The following SAMMSON variants were observed in gnomAD, a reference collection of about 807,000 sequenced individuals.
The protein encoded by SAMMSON is long intergenic non-protein coding RNA 1212.
intron 7 of SAMMSON, among the ~76,000 whole-genome samples, chr3:70,337,951 C>A (rs1227458552): frequency 6.6e-6 from 1 of 151,554 alleles, no homozygotes; most frequent in Non-Finnish European, 1.5e-5. Flanking sequence ...ATTTACAGAT[C>A]CCCAAATTCT....
chr3:70,263,177 A>G (rs1355129722), intron 6 of SAMMSON, among the ~76,000 whole-genome samples: 1 of 152,136 alleles, frequency 6.6e-6, no homozygotes, highest in Non-Finnish European at 1.5e-5. Context: ...GTTTTTAACC[A>G]ACTGATTTTT....
At chr3:70,344,973 G>A in intron 7 of SAMMSON, among the ~76,000 whole-genome samples, 1 of 152,068 alleles carries the variant, frequency 6.6e-6, no homozygotes. Flanking sequence ...TTATTACTTG[G>A]ATGTCATCGG....
intron 4 of SAMMSON, among the ~76,000 whole-genome samples, chr3:70,208,008 G>A (rs924499902): frequency 3.3e-5 from 5 of 151,996 alleles, no homozygotes; most frequent in Non-Finnish European, 5.9e-5. Context: ...CAAACAAATC[G>A]TCAAAGAAAT....
chr3:70,061,781 C>T (rs945469161), intron 3 of SAMMSON, among the ~76,000 whole-genome samples: 2 of 152,278 alleles, frequency 1.3e-5, no homozygotes, highest in Middle Eastern at 3.4e-3. Context: ...CTTATGCCTT[C>T]AGCATCTCTG....
At chr3:70,072,646 G>GAAAAAAAAAAAAAAAAA (rs35807309) in intron 4 of SAMMSON, 15 of 87,674 alleles carry the variant, frequency 1.7e-4, no homozygotes, top group Non-Finnish European at 2.3e-4. Flanking sequence ...AACAGCAAAG[G>GAAAAAAAAAAAAAAAAA]AAAAAAAAAA....
At chr3:70,002,056 G>T (rs2066908058) in intron 1 of SAMMSON, among the ~76,000 whole-genome samples, 1 of 152,118 alleles carries the variant, frequency 6.6e-6, no homozygotes, top group Non-Finnish European at 1.5e-5. Flanking sequence ...CTCGGTCATT[G>T]CCTGCATGAG....
At chr3:70,087,384 A>G (rs990967980) in intron 4 of SAMMSON, among the ~76,000 whole-genome samples, 8 of 152,288 alleles carry the variant, frequency 5.3e-5, no homozygotes, top group Non-Finnish European at 7.4e-5. Flanking sequence ...AGTGCCATGC[A>G]CTTTAGGTAC....
intron 2 of SAMMSON, among the ~76,000 whole-genome samples, chr3:70,408,039 C>G (rs1020987018): frequency 3.9e-5 from 6 of 152,230 alleles, no homozygotes; most frequent in Admixed American, 2.6e-4. Context: ...ACGCTTGAGG[C>G]TTGCACCCTC....
At position 70,019,582 on chromosome 3, in the gene SAMMSON, A is replaced by T. The variant is rs562997966; in HGVS notation, n.417+5910A>T. Among the ~76,000 whole-genome samples the T allele has an allele frequency of 2.2e-3, 333 of 152,232 alleles. 1 individual carries two copies. The highest frequency in any genetic ancestry group is 3.1e-3 in the Non-Finnish European group (209 of 68,036). On this transcript the variant is annotated intron_variant and non_coding_transcript_variant, in intron 3 of 9. Coordinates refer to ENST00000642114, the Ensembl canonical transcript of SAMMSON. Reference sequence around the variant, plus strand: ...TAATTGGAGCATTTAGCCCATTTACAGTTACGGTTAATATTGTTATGTGTG... The same window carrying T: ...TAATTGGAGCATTTAGCCCATTTACTGTTACGGTTAATATTGTTATGTGTG...
chr3:70,396,668 C>T (rs1701096175), intron 2 of SAMMSON, among the ~76,000 whole-genome samples: 1 of 152,172 alleles, frequency 6.6e-6, no homozygotes, highest in African/African-American at 2.4e-5. Flanking sequence ...GGAAATCTGT[C>T]TTGGAAATGT....
intron 7 of SAMMSON, chr3:70,311,951 T>A: frequency 2.5e-6 from 1 of 397,826 alleles, no homozygotes; most frequent in East Asian, 3.6e-5. Flanking sequence ...TACTTTTATC[T>A]TTTCCAGCTC....
At chr3:70,032,511 A>G (rs1372168205) in intron 3 of SAMMSON, among the ~76,000 whole-genome samples, 1 of 152,222 alleles carries the variant, frequency 6.6e-6, no homozygotes, top group African/African-American at 2.4e-5. Context: ...GGAAGAAAAC[A>G]ACTTTACTGT....
In SAMMSON at chr3:70,195,310, T is replaced by G. The variant is rs138239297; in HGVS notation, n.508-53797T>G. ...AGCAGAAAGACTTTTTCATGGAAGG[T>G]GTGGGGCACTTTCATGCTCCGTGGT... is the stretch of plus-strand genomic sequence containing the variant. On this transcript the variant is annotated intron_variant and non_coding_transcript_variant, in intron 4 of 9. Coordinates refer to ENST00000642114, the Ensembl canonical transcript of SAMMSON. 8.2e-3 allele frequency among the ~76,000 whole-genome samples: 1,246 copies of G among 152,272 alleles called. 15 individuals carry two copies. Among genetic ancestry groups the G allele is most frequent in the African/African-American group, 0.028 (1,183 of 41,550 alleles).
At chr3:70,133,993 C>T (rs946089643) in intron 4 of SAMMSON, among the ~76,000 whole-genome samples, 3 of 150,768 alleles carry the variant, frequency 2.0e-5, no homozygotes, top group African/African-American at 7.3e-5. Flanking sequence ...CCTGTAATCC[C>T]AGCACTTTGG....
At chr3:70,046,392 A>C (rs1299443769) in intron 3 of SAMMSON, among the ~76,000 whole-genome samples, 2 of 152,110 alleles carry the variant, frequency 1.3e-5, no homozygotes, top group Admixed American at 1.3e-4. Context: ...AAATCATTTT[A>C]ATCCATGAAT....
intron 3 of SAMMSON, chr3:70,030,667 C>G (rs2067061286): frequency 6.6e-6 from 1 of 152,052 alleles, no homozygotes; most frequent in East Asian, 1.9e-4. Flanking sequence ...ATGTGTTTGT[C>G]TAACACCAAA....
At chr3:70,343,659 A>G (rs1215495162) in intron 7 of SAMMSON, among the ~76,000 whole-genome samples, 3 of 152,168 alleles carry the variant, frequency 2.0e-5, no homozygotes, top group Non-Finnish European at 4.4e-5. Context: ...TCAAGTTTCC[A>G]TTGTAAAATT....
chr3:70,313,289 G>T (rs1188776897), intron 7 of SAMMSON, among the ~76,000 whole-genome samples: 3 of 152,160 alleles, frequency 2.0e-5, no homozygotes, highest in Non-Finnish European at 2.9e-5. Flanking sequence ...GCAACATAGT[G>T]AGACTCCATT....
At chr3:70,139,515 G>A (rs1422918277) in intron 4 of SAMMSON, among the ~76,000 whole-genome samples, 2 of 152,134 alleles carry the variant, frequency 1.3e-5, no homozygotes, top group East Asian at 1.9e-4. Context: ...TTCCCCACAG[G>A]CAGCCCTCTG....
Sources: gnomAD v4.1 joint callset for allele counts (sites outside exome capture counted in the v4.1 genomes callset) on GRCh38, gnomAD v4.1.1 for gene constraint, MANE v1.5 for transcripts, NCBI Gene and HGNC (gene_info 2026-07-23, HGNC 2026-07-21) for gene names.